The following PTPRD variants were observed in gnomAD, a reference collection of about 807,000 sequenced individuals.
PTPRD encodes protein tyrosine phosphatase receptor type D.
Under a neutral mutation model 214.5 loss-of-function variants are expected in PTPRD, and 34 were observed. The ratio of observed to expected loss-of-function variants is 0.16; its 90% CI spans 0.12 to 0.21. PTPRD has a LOEUF of 0.21. PTPRD is among the 10% of genes least tolerant of loss of function. The pLI is 1.00. For synonymous variants in PTPRD, 1,128 were observed against 845.7 expected (o/e 1.33, Z -5.79); for missense variants, 2,545 against 2,398.7 (o/e 1.06, Z -1.27).
At chr9:10,359,034 G>A (rs913851073) in intron 2 of PTPRD, among the ~76,000 whole-genome samples, 4 of 151,834 alleles carry the variant, frequency 2.6e-5, no homozygotes, top group Non-Finnish European at 5.9e-5. Context: ...TTGCCTATGT[G>A]TGTATATATA....
intron 7 of PTPRD, among the ~76,000 whole-genome samples, chr9:9,665,194 C>A (rs983274630): frequency 8.6e-5 from 13 of 151,502 alleles, no homozygotes; most frequent in Admixed American, 4.0e-4. Context: ...TGACTCAGAA[C>A]GGCAAAGAGC....
At chr9:9,167,057 G>A (rs1447113707) in intron 10 of PTPRD, among the ~76,000 whole-genome samples, 1 of 152,066 alleles carries the variant, frequency 6.6e-6, no homozygotes, top group Non-Finnish European at 1.5e-5. Context: ...CTAAAGCCCA[G>A]AGAGGTTAAA....
intron 2 of PTPRD, among the ~76,000 whole-genome samples, chr9:10,363,991 G>GTTTTTTTTTTTTTTTTTTTTTTTTT (rs71270610): frequency 8.5e-5 from 3 of 35,130 alleles, no homozygotes; most frequent in African/African-American, 2.5e-4. Context: ...ACATTTTCGG[G>GTTTTTTTTTTTTTTTTTTTTTTTTT]TTTTTTTTTT....
At chr9:8,457,243 T>G (rs1011382641) in intron 33 of PTPRD, among the ~76,000 whole-genome samples, 1 of 152,168 alleles carries the variant, frequency 6.6e-6, no homozygotes, top group South Asian at 2.1e-4. Context: ...GAACTGGGAC[T>G]TGGATTCGGG....
chr9:9,232,019 G>C (rs2099963435), intron 9 of PTPRD, among the ~76,000 whole-genome samples: 1 of 152,082 alleles, frequency 6.6e-6, no homozygotes, highest in Non-Finnish European at 1.5e-5. Flanking sequence ...CACTCTTTAT[G>C]ATTCTATTTC....
intron 14 of PTPRD, among the ~76,000 whole-genome samples, chr9:8,615,618 C>G (rs2095586328): frequency 6.6e-6 from 1 of 152,024 alleles, no homozygotes; most frequent in Admixed American, 6.6e-5. Context: ...CAAAACCATT[C>G]TAAGTGAATT....
At chr9:8,656,746 T>A (rs2096917260) in intron 12 of PTPRD, among the ~76,000 whole-genome samples, 1 of 152,184 alleles carries the variant, frequency 6.6e-6, no homozygotes, top group South Asian at 2.1e-4. Flanking sequence ...GTTAAATTAT[T>A]ACTGGCCTTC....
chr9:9,081,689 T>C lies in PTPRD; in HGVS notation c.-142-62954A>G, dbSNP rs947255626. ...TGAATCTGGGTGCTCCTGTATTGGG[T>C]GCATATATATTTAGGAGAGTTAGCT... On this transcript the variant is annotated intron_variant, in intron 10 of 45. Transcript: ENST00000381196. Among the ~76,000 whole-genome samples the C allele has an allele frequency of 2.0e-5, 3 of 152,108 alleles. No homozygotes were observed. In the East Asian group the frequency reaches 5.8e-4, roughly 29 times the overall value.
intron 10 of PTPRD, among the ~76,000 whole-genome samples, chr9:9,063,053 T>C (rs1416885063): frequency 6.6e-6 from 1 of 152,160 alleles, no homozygotes; most frequent in Non-Finnish European, 1.5e-5. Flanking sequence ...TCTAAGGTTT[T>C]CCTATTGATG....
chr9:9,267,403 A>T (rs1275184525), intron 9 of PTPRD, among the ~76,000 whole-genome samples: 6 of 151,322 alleles, frequency 4.0e-5, no homozygotes, highest in Non-Finnish European at 1.5e-5. Flanking sequence ...AGATTGAATC[A>T]GTAATTAAAA....
chr9:8,374,627 C>T (rs2082675295), intron 39 of PTPRD, among the ~76,000 whole-genome samples: 1 of 152,076 alleles, frequency 6.6e-6, no homozygotes, highest in East Asian at 1.9e-4. Context: ...CCTCTCACTT[C>T]TCTTGACACG....
intron 5 of PTPRD, among the ~76,000 whole-genome samples, chr9:9,809,660 G>A (rs1463956643): frequency 6.6e-6 from 1 of 152,178 alleles, no homozygotes; most frequent in Admixed American, 6.5e-5. Flanking sequence ...GGAATTAGGA[G>A]TGAGAATGTA....
At chr9:9,867,958 G>C (rs1411133621) in intron 5 of PTPRD, among the ~76,000 whole-genome samples, 2 of 152,126 alleles carry the variant, frequency 1.3e-5, no homozygotes, top group Non-Finnish European at 2.9e-5. Flanking sequence ...ACTCCACAAA[G>C]AGCTGCACAT....
intron 8 of PTPRD, among the ~76,000 whole-genome samples, chr9:9,436,595 G>A (rs16929369): frequency 0.39 from 59,368 of 151,084 alleles, 12,025 homozygotes; most frequent in Middle Eastern, 0.56. Context: ...CTTAATGAAA[G>A]TCTGTTAATT....
intron 23 of PTPRD, among the ~76,000 whole-genome samples, chr9:8,501,625 G>A (rs139572723): frequency 2.0e-5 from 3 of 152,116 alleles, no homozygotes; most frequent in Non-Finnish European, 2.9e-5. Context: ...ACAAACATAA[G>A]AGGGTTCACT....
intron 10 of PTPRD, among the ~76,000 whole-genome samples, chr9:9,096,588 A>T (rs948286715): frequency 6.6e-5 from 10 of 152,172 alleles, no homozygotes; most frequent in South Asian, 6.2e-4. Flanking sequence ...TCTTTTTTTT[A>T]AAAATATTTT....
At chr9:9,786,929 GT>G (rs1565254604) in intron 5 of PTPRD, among the ~76,000 whole-genome samples, 1 of 151,976 alleles carries the variant, frequency 6.6e-6, no homozygotes, top group South Asian at 2.1e-4. Context: ...TGGATCAGGA[GT>G]TTTGAGACCA....
At chr9:8,601,729 A>C (rs769241879) in intron 14 of PTPRD, among the ~76,000 whole-genome samples, 2 of 152,240 alleles carry the variant, frequency 1.3e-5, no homozygotes, top group Non-Finnish European at 2.9e-5. Context: ...ACTGATTGAC[A>C]GTGTTGTCAC....
chr9:9,797,863 T>TA (rs1370690377), intron 5 of PTPRD, among the ~76,000 whole-genome samples: 1 of 151,490 alleles, frequency 6.6e-6, no homozygotes, highest in Admixed American at 6.6e-5. Flanking sequence ...AAATAAAAAA[T>TA]AAAAAAAATC....
Sources: gnomAD v4.1 joint callset for allele counts (sites outside exome capture counted in the v4.1 genomes callset) on GRCh38, gnomAD v4.1.1 for gene constraint, MANE v1.5 for transcripts, NCBI Gene and HGNC (gene_info 2026-07-23, HGNC 2026-07-21) for gene names.